SCNN1B: variants seen among roughly 807,000 people sequenced by gnomAD.
SCNN1B encodes sodium channel epithelial 1 subunit beta.
A neutral mutation model predicts 65.3 loss-of-function variants in SCNN1B; 46 were observed. The ratio of observed to expected loss-of-function variants is 0.70; its 90% CI spans 0.56 to 0.90. The LOEUF (loss-of-function observed/expected upper bound fraction) is 0.90, where lower values mean the gene tolerates loss of function less well. SCNN1B is among the 40% of genes least tolerant of loss of function. SCNN1B has a pLI of 0.00. For missense variants in SCNN1B, 751 were observed against 830.5 expected (o/e 0.90, Z 1.18); for synonymous variants, 349 against 330.6 (o/e 1.06, Z -0.60).
chr16:23,328,820 G>A (rs1353803696), intron 1 of SCNN1B, among the ~76,000 whole-genome samples: 1 of 152,150 alleles, frequency 6.6e-6, no homozygotes. Flanking sequence ...TTTTGAGACA[G>A]GGTCTCGCTC....
chr16:23,305,278 T>A (rs1961170626), intron 1 of SCNN1B, among the ~76,000 whole-genome samples: 1 of 151,840 alleles, frequency 6.6e-6, no homozygotes, highest in African/African-American at 2.4e-5. Context: ...TGTGGACTTT[T>A]AAATTTTTAG....
intron 1 of SCNN1B, among the ~76,000 whole-genome samples, chr16:23,309,410 T>TATAGATAGATA (rs1555483768): frequency 6.0e-5 from 9 of 150,814 alleles, no homozygotes; most frequent in African/African-American, 2.2e-4. Flanking sequence ...AGATAAATGA[T>TATAGATAGATA]GATAGATAGA....
chr16:23,280,474 C>T lies in SCNN1B; in HGVS notation n.110+2134C>T, dbSNP rs186201463. On this transcript the variant is annotated intron_variant and non_coding_transcript_variant, in intron 1 of 3. Transcript: ENST00000569789. ...GATCAAGCAATCCACCTGCCTTGGC[C>T]TCCCGAAGTGCTGGGATTATAGGCG... Among the ~76,000 whole-genome samples the T allele has an allele frequency of 8.3e-4, 126 of 152,226 alleles. 2 individuals are homozygous for T. Among genetic ancestry groups the T allele is most frequent in the Admixed American group, 1.4e-3 (22 of 15,280 alleles).
chr16:23,331,398 C>T (rs1345005509), intron 1 of SCNN1B, among the ~76,000 whole-genome samples: 1 of 151,146 alleles, frequency 6.6e-6, no homozygotes, highest in East Asian at 1.9e-4. Flanking sequence ...AATCTCTACT[C>T]ACTACAACCT....
chr16:23,346,808 C>T (rs1049410871), intron 1 of SCNN1B, among the ~76,000 whole-genome samples: 2 of 151,726 alleles, frequency 1.3e-5, no homozygotes, highest in Non-Finnish European at 2.9e-5. Context: ...GCCAGGCCTC[C>T]GTTTTCTAAT....
chr16:23,375,681 G>A, intron 7 of SCNN1B, 57 bp from the exon 8 acceptor site: 1 of 1,219,638 alleles, frequency 8.2e-7, no homozygotes. Flanking sequence ...GTGCTGGAAT[G>A]GGGACATCAC....
Position 23,380,906 on chromosome 16 carries a change from T to C in SCNN1B, c.*105T>C. ...CTCTCCAAAGGGTCGGGAGGGTAGC[T>C]CTCCAGGCCAGAGCTTGTGTCCTTC... On this transcript the variant is annotated 3_prime_UTR_variant, in exon 13 of 13. Coordinates refer to ENST00000343070, the MANE Select transcript of SCNN1B (RefSeq NM_000336.3). The surrounding 1 kb of genome is among the most constrained non-coding windows in gnomAD (Gnocchi z 5.4). 2.4e-6 allele frequency: 3 copies of C among 1,270,484 alleles called. No homozygotes were observed. Among genetic ancestry groups the C allele is most frequent in the Non-Finnish European group, 3.4e-6 (3 of 875,514 alleles). The allele number at this position is 1,270,484 out of a possible 1,614,324, so 78.7% of individuals were successfully genotyped here. A position where few individuals can be genotyped will look rare whatever the true frequency, so the allele number is the denominator to read the frequency against.
intron 7 of SCNN1B, among the ~76,000 whole-genome samples, chr16:23,373,652 C>A (rs1023564101): frequency 6.6e-6 from 1 of 152,210 alleles, no homozygotes; most frequent in Non-Finnish European, 1.5e-5. Context: ...AAGAGGGCAG[C>A]CCAGTGCCTG....
intron 1 of SCNN1B, among the ~76,000 whole-genome samples, chr16:23,315,163 C>A (rs1466653294): frequency 2.0e-5 from 3 of 151,942 alleles, no homozygotes; most frequent in South Asian, 4.2e-4. Context: ...ATGGAGAAAT[C>A]CCCGTTTCTA....
At chr16:23,352,463 C>T (rs1962330254) in intron 2 of SCNN1B, among the ~76,000 whole-genome samples, 1 of 152,204 alleles carries the variant, frequency 6.6e-6, no homozygotes, top group African/African-American at 2.4e-5. Flanking sequence ...TTTCCGCATG[C>T]TGTGTTCGTG....
intron 7 of SCNN1B, 101 bp downstream of exon 7, chr16:23,371,984 C>A: frequency 1.1e-6 from 1 of 909,680 alleles, no homozygotes; most frequent in Non-Finnish European, 1.8e-6. Flanking sequence ...AAGTCTGGCT[C>A]TGCTGGGCCT....
intron 11 of SCNN1B, among the ~76,000 whole-genome samples, chr16:23,379,773 G>T (rs1239849821): frequency 6.6e-6 from 1 of 152,228 alleles, no homozygotes; most frequent in African/African-American, 2.4e-5. Flanking sequence ...GTAGTCAGGG[G>T]ATGGAGAAAG....
intron 1 of SCNN1B, among the ~76,000 whole-genome samples, chr16:23,331,910 C>A (rs181785500): frequency 8.1e-4 from 124 of 152,212 alleles, no homozygotes; most frequent in Non-Finnish European, 1.4e-3. Context: ...AAGGACAGGG[C>A]ATTATAAGGA....
At chr16:23,361,848 C>G (rs2142029784) in intron 4 of SCNN1B, among the ~76,000 whole-genome samples, 1 of 152,162 alleles carries the variant, frequency 6.6e-6, no homozygotes, top group Non-Finnish European at 1.5e-5. Flanking sequence ...GTTGTCCATA[C>G]TGGAGTGCAG....
At chr16:23,338,603 A>G (rs2142007122) in intron 1 of SCNN1B, among the ~76,000 whole-genome samples, 1 of 152,336 alleles carries the variant, frequency 6.6e-6, no homozygotes, top group East Asian at 1.9e-4. Flanking sequence ...ACAAAGTCAG[A>G]TGTCCACATG....
At position 23,352,816 on chromosome 16, in the gene SCNN1B, G is replaced by A. The variant is rs751549066; in HGVS notation, c.327G>A (p.Lys109=). Residue 109 remains lysine (K), a synonymous_variant, in exon 3 of 13, where the codon AAG becomes AAA. Coordinates refer to ENST00000343070, the MANE Select transcript of SCNN1B (RefSeq NM_000336.3). ...CCCCATCCAGGTATTCCAAAATCAA[G>A]CATTTGCTGAAGGACCTGGATGAGC... The part of the protein sequence containing the change: ...NASPFKYSKI[K]HLLKDLDELM... 6 of 1,614,054 alleles carry A rather than the reference G, an allele frequency of 3.7e-6. No homozygotes were observed. Among genetic ancestry groups the A allele is most frequent in the South Asian group, 2.2e-5 (2 of 91,078 alleles).
upstream of SCNN1B, among the ~76,000 whole-genome samples, chr16:23,299,668 A>AATC (rs1961046386): frequency 6.6e-6 from 1 of 152,210 alleles, no homozygotes; most frequent in Non-Finnish European, 1.5e-5. Flanking sequence ...TTAGAATGGC[A>AATC]ATCATTAAAA....
At chr16:23,360,763 T>G (rs1166803178) in intron 4 of SCNN1B, among the ~76,000 whole-genome samples, 1 of 150,420 alleles carries the variant, frequency 6.6e-6, no homozygotes, top group Non-Finnish European at 1.5e-5. Context: ...ACCTGGCTAA[T>G]TTTTGGTTTT....
chr16:23,299,361 A>C (rs567218238), upstream of SCNN1B, among the ~76,000 whole-genome samples: 1 of 152,246 alleles, frequency 6.6e-6, no homozygotes, highest in African/African-American at 2.4e-5. Context: ...CGCCCAGCCG[A>C]AATTGCTATT....
Sources: gnomAD v4.1 joint callset for allele counts (sites outside exome capture counted in the v4.1 genomes callset) on GRCh38, gnomAD v4.1.1 for gene constraint, Gnocchi (gnomAD v3.1) non-coding constraint, MANE v1.5 for transcripts, NCBI Gene and HGNC (gene_info 2026-07-23, HGNC 2026-07-21) for gene names.